PTPRT: variants seen among roughly 807,000 people sequenced by gnomAD.
PTPRT encodes the protein receptor-type tyrosine-protein phosphatase T.
Under a neutral mutation model 176.8 loss-of-function variants are expected in PTPRT, and 56 were observed. The observed-to-expected ratio is 0.32, with a 90% CI of 0.26 to 0.40. PTPRT has a LOEUF of 0.40. Among genes scored for constraint, PTPRT ranks in the 10% least tolerant of loss-of-function variants. The pLI is 1.00. For synonymous variants in PTPRT, 783 were observed against 739.0 expected (o/e 1.06, Z -0.96); for missense variants, 1,540 against 1,908.2 (o/e 0.81, Z 3.60).
At chr20:42,739,618 G>A (rs1312597716) in intron 6 of PTPRT, among the ~76,000 whole-genome samples, 1 of 152,032 alleles carries the variant, frequency 6.6e-6, no homozygotes, top group Non-Finnish European at 1.5e-5. Flanking sequence ...AAGCTGAGAG[G>A]GACTGAGACT....
In PTPRT at chr20:43,119,333, T is replaced by C. The variant is rs548650917; in HGVS notation, c.88+70313A>G. On this transcript the variant is annotated intron_variant, in intron 1 of 30. Transcript: ENST00000373187. ...TGGTTTTGCCAAACTGTGTTCAATA[T>C]ACATAAAATTCTATAATCTGATAAG... 5.3e-4 allele frequency among the ~76,000 whole-genome samples: 80 copies of C among 152,354 alleles called. 1 individual carries two copies. Among genetic ancestry groups the C allele is most frequent in the Middle Eastern group, 3.4e-3 (1 of 294 alleles).
At chr20:43,170,999 G>T (rs535572624) in intron 1 of PTPRT, among the ~76,000 whole-genome samples, 1 of 152,154 alleles carries the variant, frequency 6.6e-6, no homozygotes, top group South Asian at 2.1e-4. Context: ...TAACAGCTGC[G>T]TGACTGAGTA....
At chr20:42,617,808 C>T (rs1973109886) in intron 7 of PTPRT, among the ~76,000 whole-genome samples, 1 of 138,328 alleles carries the variant, frequency 7.2e-6, no homozygotes, top group African/African-American at 3.1e-5. Flanking sequence ...TTTTTTATTG[C>T]ATCTATTTGA....
At chr20:42,990,715 G>C (rs1188646709) in intron 1 of PTPRT, among the ~76,000 whole-genome samples, 2 of 152,130 alleles carry the variant, frequency 1.3e-5, no homozygotes, top group African/African-American at 4.8e-5. Flanking sequence ...TGAAAATGTA[G>C]GTACTGTCAT....
chr20:43,171,268 T>C (rs1420320358), intron 1 of PTPRT, among the ~76,000 whole-genome samples: 1 of 152,206 alleles, frequency 6.6e-6, no homozygotes. Context: ...CGATTCAAGA[T>C]TAAAATTGCT....
chr20:42,121,367 G>A (rs1408398870), intron 19 of PTPRT, among the ~76,000 whole-genome samples: 1 of 152,166 alleles, frequency 6.6e-6, no homozygotes, highest in African/African-American at 2.4e-5. Context: ...ACTTAGTGAG[G>A]TTGTCAGTTT....
intron 1 of PTPRT, among the ~76,000 whole-genome samples, chr20:42,939,316 A>G (rs1161871696): frequency 6.6e-6 from 1 of 152,238 alleles, no homozygotes; most frequent in Non-Finnish European, 1.5e-5. Context: ...CTGAATACAT[A>G]CAGCTTTAAT....
At chr20:42,699,096 T>TA (rs910015925) in intron 6 of PTPRT, among the ~76,000 whole-genome samples, 10 of 152,050 alleles carry the variant, frequency 6.6e-5, no homozygotes, top group African/African-American at 2.4e-4. Context: ...TAAAAAGGAG[T>TA]AAAAAGCACA....
intron 1 of PTPRT, among the ~76,000 whole-genome samples, chr20:43,098,820 C>T (rs1412750945): frequency 6.6e-6 from 1 of 152,162 alleles, no homozygotes; most frequent in Non-Finnish European, 1.5e-5. Context: ...GCACATTAGA[C>T]ACTCAATAAT....
chr20:42,712,041 C>A (rs773858401), intron 6 of PTPRT, among the ~76,000 whole-genome samples: 1 of 151,982 alleles, frequency 6.6e-6, no homozygotes, highest in Non-Finnish European at 1.5e-5. Flanking sequence ...CACAAGAATC[C>A]CACTTTAAAA....
chr20:42,237,714 T>C (rs2056273864), intron 14 of PTPRT, among the ~76,000 whole-genome samples: 1 of 152,350 alleles, frequency 6.6e-6, no homozygotes, highest in South Asian at 2.1e-4. Flanking sequence ...AAGCATGATA[T>C]TCCCTTTGTT....
chr20:43,149,839 C>G (rs1315432649), intron 1 of PTPRT, among the ~76,000 whole-genome samples: 2 of 152,240 alleles, frequency 1.3e-5, no homozygotes, highest in African/African-American at 4.8e-5. Context: ...ACACCGTGGT[C>G]TCTAAGTCTC....
chr20:42,753,586 G>T (rs2076792508), intron 6 of PTPRT, among the ~76,000 whole-genome samples: 1 of 152,214 alleles, frequency 6.6e-6, no homozygotes. Context: ...CCCTCCCTAA[G>T]CTGGAGTGGC....
chr20:43,091,617 A>C (rs1053887747), intron 1 of PTPRT, among the ~76,000 whole-genome samples: 3 of 151,880 alleles, frequency 2.0e-5, no homozygotes, highest in Admixed American at 1.3e-4. Context: ...TAAGAACAAA[A>C]AGTTTTCCAC....
At chr20:42,053,188 C>G in the PTPRT span, among the ~76,000 whole-genome samples, 2 of 152,146 alleles carry the variant, frequency 1.3e-5, no homozygotes, top group African/African-American at 4.8e-5. Context: ...AATCCAGTTT[C>G]TGGGTCCCGT....
chr20:42,269,842 A>G (rs978334717), intron 13 of PTPRT, among the ~76,000 whole-genome samples: 4 of 152,222 alleles, frequency 2.6e-5, no homozygotes, highest in Admixed American at 6.5e-5. Context: ...GTAAATTGTC[A>G]GGACAAATGG....
At chr20:42,044,116 C>T in the PTPRT span, among the ~76,000 whole-genome samples, 1 of 152,198 alleles carries the variant, frequency 6.6e-6, no homozygotes, top group Non-Finnish European at 1.5e-5. Flanking sequence ...AGAAACCAGA[C>T]AGATAAGGAC....
At chr20:42,396,926 T>A (rs775196238) in intron 9 of PTPRT, among the ~76,000 whole-genome samples, 3 of 152,132 alleles carry the variant, frequency 2.0e-5, no homozygotes, top group Non-Finnish European at 4.4e-5. Flanking sequence ...TTCCCTCAGG[T>A]CTCTGTTCAA....
chr20:42,313,331 T>A (rs1295835925), intron 12 of PTPRT, among the ~76,000 whole-genome samples: 1 of 152,156 alleles, frequency 6.6e-6, no homozygotes, highest in Non-Finnish European at 1.5e-5. Context: ...TTTACCTTCT[T>A]AATAAACTTG....
Sources: gnomAD v4.1 joint callset for allele counts (sites outside exome capture counted in the v4.1 genomes callset) on GRCh38, gnomAD v4.1.1 for gene constraint, MANE v1.5 for transcripts, NCBI Gene and HGNC (gene_info 2026-07-23, HGNC 2026-07-21) for gene names.